The following TBC1D22B variants were observed in gnomAD, a reference collection of about 807,000 sequenced individuals.
TBC1D22B encodes the protein TBC1 domain family member 22B.
In TBC1D22B, 32 loss-of-function variants were observed where a neutral mutation model predicts 69.1. That is an observed-to-expected ratio of 0.46 (90% CI 0.35 to 0.62). The LOEUF (loss-of-function observed/expected upper bound fraction) is 0.62. Ranked by LOEUF, TBC1D22B falls within the 20% of genes least tolerant of loss-of-function variation. The pLI, the probability that TBC1D22B is intolerant of heterozygous loss-of-function variation, is 0.00. For missense variants in TBC1D22B, 462 were observed against 630.9 expected (o/e 0.73, Z 2.87); for synonymous variants, 206 against 229.8 (o/e 0.90, Z 0.94).
At chr6:37,261,923 A>G (rs1039336311) in intron 1 of TBC1D22B, among the ~76,000 whole-genome samples, 41 of 147,532 alleles carry the variant, frequency 2.8e-4, no homozygotes, top group African/African-American at 9.4e-4. Context: ...CCTATGGGGG[A>G]AAAATAAAAA....
chr6:37,293,269 G>C (rs1185117872), intron 8 of TBC1D22B, among the ~76,000 whole-genome samples: 1 of 151,758 alleles, frequency 6.6e-6, no homozygotes, highest in African/African-American at 2.4e-5. Flanking sequence ...AGTAGAGATG[G>C]GGTTTCACCA....
intron 7 of TBC1D22B, 94 bp from the exon 8 acceptor site, chr6:37,291,149 C>G (rs778134186): frequency 1.7e-5 from 15 of 899,708 alleles, no homozygotes; most frequent in Non-Finnish European, 2.3e-5. Flanking sequence ...AATTCTACAC[C>G]AACCTGGAGG....
intron 2 of TBC1D22B, among the ~76,000 whole-genome samples, chr6:37,276,280 G>A (rs1766670429): frequency 6.6e-6 from 1 of 151,886 alleles, no homozygotes; most frequent in Non-Finnish European, 1.5e-5. Context: ...TTTCATTCTT[G>A]TGGGTGGTTC....
At chr6:37,261,073 A>C (rs146957424) in intron 1 of TBC1D22B, among the ~76,000 whole-genome samples, 13 of 152,290 alleles carry the variant, frequency 8.5e-5, no homozygotes, top group African/African-American at 3.1e-4. Context: ...AGTTATTCAC[A>C]TGAGCCCCAT....
At chr6:37,274,884 T>A (rs900563283) in intron 2 of TBC1D22B, among the ~76,000 whole-genome samples, 1 of 152,134 alleles carries the variant, frequency 6.6e-6, no homozygotes, top group Non-Finnish European at 1.5e-5. Flanking sequence ...AAACCCTGTC[T>A]CTACTAAAAA....
intron 8 of TBC1D22B, among the ~76,000 whole-genome samples, chr6:37,298,553 T>G (rs1424933358): frequency 7.0e-6 from 1 of 143,750 alleles, no homozygotes. Flanking sequence ...TTTTTTTTTT[T>G]TTTTTTTTTT....
At chr6:37,302,034 C>A (rs1282700898) in intron 8 of TBC1D22B, among the ~76,000 whole-genome samples, 1 of 152,194 alleles carries the variant, frequency 6.6e-6, no homozygotes, top group Non-Finnish European at 1.5e-5. Flanking sequence ...TGGCTTCTCT[C>A]ATATCTCTTC....
chr6:37,277,255 A>G (rs1015410632), intron 2 of TBC1D22B, among the ~76,000 whole-genome samples: 1 of 152,220 alleles, frequency 6.6e-6, no homozygotes, highest in African/African-American at 2.4e-5. Flanking sequence ...AAAAACAGTA[A>G]TAACCACATA....
At chr6:37,324,212 A>T in intron 12 of TBC1D22B, 1 of 441,326 alleles carries the variant, frequency 2.3e-6, no homozygotes, top group South Asian at 1.6e-5. Context: ...GCACATATTT[A>T]ATGTTCTTTT....
At chr6:37,259,117 CAA>C (rs1765974821) in intron 1 of TBC1D22B, among the ~76,000 whole-genome samples, 1 of 151,754 alleles carries the variant, frequency 6.6e-6, no homozygotes, top group African/African-American at 2.4e-5. Context: ...CTTGGCCTCC[CAA>C]AGTGTTGGGA....
chr6:37,294,333 A>T (rs1767286603), intron 8 of TBC1D22B, among the ~76,000 whole-genome samples: 1 of 152,162 alleles, frequency 6.6e-6, no homozygotes, highest in Non-Finnish European at 1.5e-5. Context: ...CACCCGGCTA[A>T]CTTTATAAAA....
At chr6:37,305,439 C>G (rs1767681803) in intron 8 of TBC1D22B, among the ~76,000 whole-genome samples, 1 of 152,142 alleles carries the variant, frequency 6.6e-6, no homozygotes, top group Non-Finnish European at 1.5e-5. Context: ...CCCTCCTAGT[C>G]CCTACCCCGT....
chr6:37,279,326 G>A lies in TBC1D22B; in HGVS notation c.136G>A (p.Val46Ile). The A allele has an allele frequency of 1.9e-6, 3 of 1,606,768 alleles. No individual in the cohort carries two copies. Among genetic ancestry groups the A allele is most frequent in the Non-Finnish European group, 2.6e-6 (3 of 1,176,370 alleles). ...TKNFIKERSK[V>I]NTVPLKNKKA... ...AAGTTTCATTAAAGAACGATCAAAA[G>A]TCAACACAGTTCCTCTGAAGAATAA... Residue 46 changes from valine to isoleucine, a missense_variant, in exon 3 of 13, where the codon GTC becomes ATC. This residue lies in a region of TBC1D22B where 237 missense variants were observed against 255.4 expected (regional missense o/e 0.93). Transcript: ENST00000373491.
At chr6:37,325,003 A>C (rs186403193) in intron 12 of TBC1D22B, among the ~76,000 whole-genome samples, 1 of 152,354 alleles carries the variant, frequency 6.6e-6, no homozygotes, top group East Asian at 1.9e-4. Flanking sequence ...AATAAATAAT[A>C]AATGCCGTTA....
chr6:37,321,652 G>A (rs1304215917), intron 12 of TBC1D22B, among the ~76,000 whole-genome samples: 1 of 152,154 alleles, frequency 6.6e-6, no homozygotes, highest in South Asian at 2.1e-4. Flanking sequence ...ACATCCCTGG[G>A]GAAAGCAGAG....
rs1306146417 is a variant in TBC1D22B at position 37,331,342 on chromosome 6, T to C, written c.*170T>C. On this transcript the variant is annotated 3_prime_UTR_variant, in exon 13 of 13. Transcript: ENST00000373491. ...GCATCCACCACTCCATGTCTCTGGA[T>C]GTGTCACTTGGACCACTGTCAGTAT... The C allele has an allele frequency of 1.6e-6, 1 of 620,928 alleles. No individual in the cohort carries two copies. The highest frequency in any genetic ancestry group is 2.8e-6 in the Non-Finnish European group (1 of 355,798). 38.5% of individuals were successfully genotyped at this position (620,928 alleles called of 1,614,324 possible).
chr6:37,323,898 A>G (rs1768322111), intron 12 of TBC1D22B, among the ~76,000 whole-genome samples: 1 of 152,234 alleles, frequency 6.6e-6, no homozygotes, highest in Non-Finnish European at 1.5e-5. Flanking sequence ...AAAACAAGCC[A>G]CTGAGGGGAA....
At chr6:37,313,165 T>C in intron 9 of TBC1D22B, 141 bp downstream of exon 9, 1 of 703,822 alleles carries the variant, frequency 1.4e-6, no homozygotes, top group Admixed American at 2.0e-5. Context: ...CATCCATCTC[T>C]ATCCTTCTTC....
chr6:37,311,721 T>A (rs543579458), intron 8 of TBC1D22B, among the ~76,000 whole-genome samples: 38 of 152,224 alleles, frequency 2.5e-4, no homozygotes, highest in African/African-American at 9.2e-4. Flanking sequence ...TCTGAATACA[T>A]TTTGTCTAAT....
Sources: allele counts gnomAD v4.1 joint callset (sites outside exome capture counted in the v4.1 genomes callset), GRCh38; gene constraint gnomAD v4.1.1; regional missense constraint gnomAD v4.1.1; transcripts MANE v1.5; gene names NCBI Gene and HGNC (gene_info 2026-07-23, HGNC 2026-07-21).